GBP6: variants seen among roughly 807,000 people sequenced by gnomAD.
GBP6 encodes guanylate-binding protein 6.
A neutral mutation model predicts 61.5 loss-of-function variants in GBP6; 54 were observed. The observed-to-expected ratio is 0.88, with a 90% CI of 0.71 to 1.10. The LOEUF (loss-of-function observed/expected upper bound fraction) is 1.10, where lower values mean the gene tolerates loss of function less well. GBP6 is among the 50% of genes least tolerant of loss of function. The probability of loss-of-function intolerance (pLI) is 0.00; values close to 1 mark genes in which losing one functional copy is unlikely to be tolerated. For missense variants in GBP6, 748 were observed against 752.8 expected (o/e 0.99, Z 0.07); for synonymous variants, 255 against 273.7 (o/e 0.93, Z 0.67).
intron 9 of GBP6, 35 bp downstream of exon 9, chr1:89,383,789 A>G (rs1236725318): frequency 4.8e-6 from 7 of 1,452,174 alleles, no homozygotes; most frequent in African/African-American, 1.4e-5. Flanking sequence ...CAGGAGGGGT[A>G]CGTTTATACA....
intron 3 of GBP6, 145 bp from the exon 4 acceptor site, chr1:89,377,958 C>A: frequency 1.4e-6 from 1 of 698,520 alleles, no homozygotes; most frequent in Non-Finnish European, 2.4e-6. Flanking sequence ...CATATTGTAA[C>A]AAACTGTTGT....
chr1:89,379,476 T>C (rs1354632181), intron 5 of GBP6, among the ~76,000 whole-genome samples: 2 of 152,246 alleles, frequency 1.3e-5, no homozygotes, highest in Admixed American at 6.5e-5. Flanking sequence ...AGTTATATCA[T>C]CTACAAAAAT....
intron 5 of GBP6, among the ~76,000 whole-genome samples, chr1:89,379,562 G>A (rs551780262): frequency 5.1e-4 from 77 of 152,152 alleles, no homozygotes; most frequent in Non-Finnish European, 7.9e-4. Context: ...GATAATTGTC[G>A]GAATATTCAT....
intron 2 of GBP6, 88 bp downstream of exon 2, chr1:89,368,829 A>C: frequency 1.6e-6 from 2 of 1,238,278 alleles, no homozygotes; most frequent in East Asian, 4.7e-5. Flanking sequence ...ACATGAAGGT[A>C]GACTCCAATT....
At position 89,385,219 on chromosome 1, in the gene GBP6, A is replaced by G. The variant is rs1450088911; in HGVS notation, c.1663-11A>G. The stretch of plus-strand genomic sequence containing the variant: ...TTTAAAAATTTACTTTCCTTCCTAC[A>G]TTGTCTTTAGGTCCAAAATGATTGG... On this transcript the variant is annotated splice_polypyrimidine_tract_variant and intron_variant, in intron 10 of 10. Coordinates refer to ENST00000370456, the MANE Select transcript of GBP6 (RefSeq NM_198460.3). 1.9e-6 allele frequency: 3 copies of G among 1,605,042 alleles called. No individual in the cohort carries two copies. The highest frequency in any genetic ancestry group is 4.5e-5 in the East Asian group (2 of 44,728).
chr1:89,380,979 G>A (rs1652961211), intron 6 of GBP6, among the ~76,000 whole-genome samples: 1 of 152,068 alleles, frequency 6.6e-6, no homozygotes, highest in African/African-American at 2.4e-5. Context: ...GAAAAGATAT[G>A]TTCAAGTTTA....
chr1:89,385,318 C>T lies in GBP6; in HGVS notation c.1751C>T (p.Thr584Ile). The T allele has an allele frequency of 6.2e-7, 1 of 1,614,060 alleles. No individual in the cohort carries two copies. The highest frequency in any genetic ancestry group is 8.5e-7 in the Non-Finnish European group (1 of 1,179,964). Reference protein sequence around the residue: ...EISQFKRMIDTTKNDDTPWIA... With the variant: ...EISQFKRMIDITKNDDTPWIA... ...AGTCAATTTAAACGTATGATTGATA[C>T]TACAAAAAATGATGATACTCCCTGG... Residue 584 changes from threonine (T) to isoleucine (I), a missense_variant, in exon 11 of 11, where the codon ACT (threonine) becomes ATT (isoleucine). Physicochemically the swap from Thr to Ile is moderately conservative, Grantham distance 89. Transcript: ENST00000370456.
At position 89,387,868 on chromosome 1, in the gene GBP6, G is replaced by A. The variant is rs1415994472; in HGVS notation, c.*2399G>A. Reference sequence around the variant, plus strand: ...AAATCACTTGAACCTGGGAGGTGGAGGTTGCAGTGAGCCGAGATTGTGCCA... The same window carrying A: ...AAATCACTTGAACCTGGGAGGTGGAAGTTGCAGTGAGCCGAGATTGTGCCA... On this transcript the variant is annotated 3_prime_UTR_variant, in exon 11 of 11. Transcript: ENST00000370456. 6.6e-6 allele frequency among the ~76,000 whole-genome samples: 1 copy of A among 152,226 alleles called. No homozygotes were observed. The highest frequency in any genetic ancestry group is 6.5e-5 in the Admixed American group (1 of 15,284).
intron 3 of GBP6, 26 bp downstream of exon 3, chr1:89,369,699 T>G: frequency 1.2e-6 from 2 of 1,602,106 alleles, no homozygotes; most frequent in Non-Finnish European, 1.7e-6. Context: ...ATAGACAGGT[T>G]CCTTTTATTC....
At chr1:89,378,245 G>C in intron 4 of GBP6, 33 bp downstream of exon 4, 1 of 1,587,690 alleles carries the variant, frequency 6.3e-7, no homozygotes, top group Non-Finnish European at 8.5e-7. Flanking sequence ...GAACCACCAG[G>C]TTTCATTGAC....
At position 89,368,684 on chromosome 1, in the gene GBP6, G is replaced by C; in HGVS notation, c.133G>C (p.Gly45Arg). 6.2e-7 allele frequency: 1 copy of C among 1,614,158 alleles called. No homozygotes were observed. Residue 45 changes from glycine to arginine, a missense_variant, in exon 2 of 11, where the codon GGA (glycine) becomes CGA (arginine). Gly to Arg is a moderately radical substitution (Grantham distance 125). Transcript: ENST00000370456. ...SQPVVVVAIV[G>R]LYRTGKSYLM... ...GCCAGTGGTGGTGGTGGCCATTGTA[G>C]GACTGTACCGTACAGGGAAATCCTA... is the stretch of plus-strand genomic sequence containing the variant.
rs554420172 is a variant in GBP6, at chr1:89,381,110, C to A, written c.871+479C>A. Among the ~76,000 whole-genome samples the A allele has an allele frequency of 1.1e-4, 17 of 151,832 alleles. No individual in the cohort carries two copies. The South Asian group carries it at 2.9e-3, about 26-fold the overall frequency. On this transcript the variant is annotated intron_variant, in intron 6 of 10. Coordinates refer to ENST00000370456, the MANE Select transcript of GBP6 (RefSeq NM_198460.3). The stretch of plus-strand genomic sequence containing the variant: ...GACCAGCCTGAACAACATGGTGAAA[C>A]CCCATCTCTACAAAAAATACAAAAA...
rs749026517 is a variant in GBP6, at chr1:89,381,735, A to G, written c.913A>G (p.Ser305Gly). 4 of 1,614,006 alleles carry G rather than the reference A, an allele frequency of 2.5e-6. No homozygotes were observed. Among genetic ancestry groups the G allele is most frequent in the African/African-American group, 1.3e-5 (1 of 74,936 alleles). The change falls in exon 7 of 11, where the codon AGT (serine) becomes GGT (glycine). Residue 305 changes from serine (S) to glycine (G), a missense_variant. Transcript: ENST00000370456. ...AGTGACTTATGTAGAGGCCATCAAC[A>G]GTGGAGCAGTGCCTTGTCTGGAGAA... ...LAVTYVEAIN[S>G]GAVPCLENAV...
At chr1:89,364,920 G>A (rs1375495327) in intron 1 of GBP6, among the ~76,000 whole-genome samples, 1 of 151,614 alleles carries the variant, frequency 6.6e-6, no homozygotes, top group Non-Finnish European at 1.5e-5. Flanking sequence ...CATGCATTAG[G>A]TATTTGTCCT....
intron 9 of GBP6, 91 bp downstream of exon 9, chr1:89,383,845 A>G: frequency 9.7e-7 from 1 of 1,026,224 alleles, no homozygotes; most frequent in Non-Finnish European, 1.5e-6. Context: ...AAAATGAGGA[A>G]TTTCCTCTTC....
At chr1:89,371,654 G>A (rs1652644640) in intron 3 of GBP6, among the ~76,000 whole-genome samples, 1 of 152,114 alleles carries the variant, frequency 6.6e-6, no homozygotes, top group Admixed American at 6.6e-5. Flanking sequence ...GGTATTGATG[G>A]GACGTATTTC....
At chr1:89,384,875 G>C (rs1653091127) in intron 10 of GBP6, among the ~76,000 whole-genome samples, 1 of 152,226 alleles carries the variant, frequency 6.6e-6, no homozygotes, top group African/African-American at 2.4e-5. Flanking sequence ...TTCTACATCA[G>C]CTTATAAGTT....
Position 89,385,785 on chromosome 1 carries a change from G to T in GBP6, c.*316G>T. On this transcript the variant is annotated 3_prime_UTR_variant, in exon 11 of 11. Coordinates refer to ENST00000370456, the MANE Select transcript of GBP6 (RefSeq NM_198460.3). The stretch of plus-strand genomic sequence containing the variant: ...TGACCTCAAATGATCCACCCGCCTC[G>T]GCCTCCCAAAGTGCTGGGTTTACAG... The T allele has an allele frequency of 4.9e-6, 1 of 204,654 alleles. No homozygotes were observed. The highest frequency in any genetic ancestry group is 5.4e-5 in the Admixed American group (1 of 18,540). 12.7% of individuals were successfully genotyped at this position (204,654 alleles called of 1,614,324 possible). A position where few individuals can be genotyped will look rare whatever the true frequency, so the allele number is the denominator to read the frequency against.
chr1:89,383,805 C>T, intron 9 of GBP6, 51 bp downstream of exon 9: 1 of 1,311,382 alleles, frequency 7.6e-7, no homozygotes, highest in East Asian at 2.3e-5. Flanking sequence ...ATACAATGCC[C>T]TCTAACAGAT....
Sources: gnomAD v4.1 joint callset for allele counts (sites outside exome capture counted in the v4.1 genomes callset) on GRCh38, gnomAD v4.1.1 for gene constraint, MANE v1.5 for transcripts, NCBI Gene and HGNC (gene_info 2026-07-23, HGNC 2026-07-21) for gene names.